ATAD5: variants seen among roughly 807,000 people sequenced by gnomAD.
ATAD5 encodes ATPase family AAA domain-containing protein 5.
Under a neutral mutation model 176.9 loss-of-function variants are expected in ATAD5, and 58 were observed. The observed-to-expected ratio is 0.33, with a 90% CI of 0.27 to 0.41. The LOEUF (loss-of-function observed/expected upper bound fraction) is 0.41. Ranked by LOEUF, ATAD5 falls within the 10% of genes least tolerant of loss-of-function variation. The pLI is 1.00. For synonymous variants in ATAD5, 640 were observed against 712.6 expected (o/e 0.90, Z 1.62); for missense variants, 1,789 against 2,094.1 (o/e 0.85, Z 2.84).
intron 18 of ATAD5, among the ~76,000 whole-genome samples, chr17:30,881,754 A>C (rs1909024924): frequency 6.6e-6 from 1 of 151,878 alleles, no homozygotes; most frequent in Admixed American, 6.6e-5. Flanking sequence ...CTCTACAAAA[A>C]ATTAAAAAAA....
rs745340855 is a variant in ATAD5, at chr17:30,834,620, A to G, written c.539A>G (p.Asn180Ser). 45 of 1,611,546 alleles carry G rather than the reference A, an allele frequency of 2.8e-5. No homozygotes were observed. The highest frequency in any genetic ancestry group is 4.0e-5 in the African/African-American group (3 of 74,780). The change falls in exon 2 of 23, where the codon AAT becomes AGT. Residue 180 changes from asparagine (N) to serine (S), a missense_variant. Asn to Ser is a conservative substitution (Grantham distance 46, BLOSUM62 1). This residue lies in a region of ATAD5 where 696 missense variants were observed against 712.5 expected (regional missense o/e 0.98). Coordinates refer to ENST00000321990, the MANE Select transcript of ATAD5 (RefSeq NM_024857.5). Reference sequence around the variant, plus strand: ...ATTCAAGATACAAAAAGTCAACCAAATACTATGACCTCCCTGCAAAATTCT... The same window carrying G: ...ATTCAAGATACAAAAAGTCAACCAAGTACTATGACCTCCCTGCAAAATTCT... Reference protein sequence around the residue: ...ENIQDTKSQPNTMTSLQNSKK... With the variant: ...ENIQDTKSQPSTMTSLQNSKK...
intron 5 of ATAD5, 140 bp from the exon 6 acceptor site, chr17:30,844,695 C>T: frequency 3.2e-6 from 2 of 626,846 alleles, no homozygotes; most frequent in South Asian, 2.0e-5. Context: ...TTGCAGTGAG[C>T]CAAGATCGTG....
chr17:30,842,695 C>CT (rs1258724569), intron 4 of ATAD5, among the ~76,000 whole-genome samples: 3 of 152,088 alleles, frequency 2.0e-5, no homozygotes, highest in Non-Finnish European at 4.4e-5. Context: ...GGAGTACAGT[C>CT]TGTTAGTTGC....
At position 30,834,843 on chromosome 17, in the gene ATAD5, A is replaced by C. The variant is rs140417753; in HGVS notation, c.762A>C (p.Glu254Asp). The change falls in exon 2 of 23, where the codon GAA (glutamate) becomes GAC (aspartate). Residue 254 changes from glutamate (E) to aspartate (D), a missense_variant. Glu to Asp is a conservative substitution (Grantham distance 45, BLOSUM62 2). Transcript: ENST00000321990. ...CAAACTCTAGAGATAACGTAACTGA[A>C]GCAGCCCAGTTAAATGATAGTATAA... ...SHANSRDNVT[E>D]AAQLNDSIIT... 2 of 1,613,566 alleles carry C rather than the reference A, an allele frequency of 1.2e-6. No homozygotes were observed. Among genetic ancestry groups the C allele is most frequent in the Non-Finnish European group, 1.7e-6 (2 of 1,179,704 alleles).
intron 3 of ATAD5, among the ~76,000 whole-genome samples, chr17:30,838,711 T>A (rs1248302780): frequency 6.6e-6 from 1 of 152,242 alleles, no homozygotes; most frequent in East Asian, 1.9e-4. Context: ...TTAATTTTTT[T>A]AGAGATAATT....
Position 30,834,458 on chromosome 17 carries a change from T to C in ATAD5, c.377T>C (p.Ile126Thr), listed in dbSNP as rs560055952. 83 of 1,589,798 alleles carry C rather than the reference T, an allele frequency of 5.2e-5. No individual in the cohort carries two copies. The South Asian group carries it at 7.3e-4, about 14-fold the overall frequency. The change falls in exon 2 of 23, where the codon ATT (isoleucine) becomes ACT (threonine). Residue 126 changes from isoleucine (I) to threonine (T), a missense_variant. By Grantham distance (89) the Ile-to-Thr change is moderately conservative (BLOSUM62 -1). Transcript: ENST00000321990. Reference sequence around the variant, plus strand: ...AATTTATCTCATCAACTAAATAATATTAAAACTGAAAATGAAGCTCCAATT... The same window carrying C: ...AATTTATCTCATCAACTAAATAATACTAAAACTGAAAATGAAGCTCCAATT... ...RVNLSHQLNN[I>T]KTENEAPIEI... is the part of the protein sequence containing the mutation.
chr17:30,855,983 T>G (rs948471260), intron 7 of ATAD5, among the ~76,000 whole-genome samples: 7 of 152,224 alleles, frequency 4.6e-5, no homozygotes, highest in African/African-American at 1.7e-4. Flanking sequence ...ATTCAGTTGA[T>G]GAAGGCTTTC....
At chr17:30,880,472 G>A (rs1406765773) in intron 18 of ATAD5, among the ~76,000 whole-genome samples, 1 of 152,058 alleles carries the variant, frequency 6.6e-6, no homozygotes, top group Non-Finnish European at 1.5e-5. Context: ...GCTGGGCGTG[G>A]TGGCGCATGC....
chr17:30,854,205 TTTATATAATTATATATAAA>T (rs1317383653), intron 6 of ATAD5, among the ~76,000 whole-genome samples: 2 of 146,950 alleles, frequency 1.4e-5, no homozygotes, highest in South Asian at 4.2e-4. Flanking sequence ...AAACAAAATT[TTTATATAATTATATATAAA>T]TTATATAATT....
At chr17:30,885,332 C>CTTGTA (rs1909252467) in intron 18 of ATAD5, among the ~76,000 whole-genome samples, 1 of 152,206 alleles carries the variant, frequency 6.6e-6, no homozygotes, top group South Asian at 2.1e-4. Context: ...AAGCATGAGC[C>CTTGTA]ACCACAACTG....
chr17:30,834,374 G>A lies in ATAD5; in HGVS notation c.293G>A (p.Cys98Tyr), dbSNP rs1905572866. Residue 98 changes from cysteine (C) to tyrosine (Y), a missense_variant, in exon 2 of 23, where the codon TGT (cysteine) becomes TAT (tyrosine). Coordinates refer to ENST00000321990, the MANE Select transcript of ATAD5 (RefSeq NM_024857.5). ...GTACCTGTTGACAGCAACAAAGACT[G>A]TACGACACCTTTGGAAATGTTCTCA... ...ESVPVDSNKD[C>Y]TTPLEMFSNV... 1 of 1,606,676 alleles carries A rather than the reference G, an allele frequency of 6.2e-7. No homozygotes were observed. Among genetic ancestry groups the A allele is most frequent in the Non-Finnish European group, 8.5e-7 (1 of 1,177,608 alleles).
At chr17:30,852,759 T>G (rs77409647) in intron 6 of ATAD5, among the ~76,000 whole-genome samples, 4,050 of 152,008 alleles carry the variant, frequency 0.027, 199 homozygotes, top group African/African-American at 0.092. Context: ...TAAACAACCA[T>G]CTCTCGGGTG....
chr17:30,856,657 G>A (rs1363028770), intron 7 of ATAD5, among the ~76,000 whole-genome samples: 1 of 152,178 alleles, frequency 6.6e-6, no homozygotes, highest in Non-Finnish European at 1.5e-5. Context: ...AATTACAGGC[G>A]TGAGCCACCA....
intron 6 of ATAD5, among the ~76,000 whole-genome samples, chr17:30,848,074 T>C (rs1906643714): frequency 6.6e-6 from 1 of 152,168 alleles, no homozygotes; most frequent in Non-Finnish European, 1.5e-5. Context: ...TCATTTTTCT[T>C]GGGTAAATAA....
intron 19 of ATAD5, among the ~76,000 whole-genome samples, chr17:30,891,388 T>G (rs542903606): frequency 2.6e-5 from 4 of 152,314 alleles, no homozygotes; most frequent in African/African-American, 9.6e-5. Flanking sequence ...TTATTATTAT[T>G]TGAGACGGAG....
At chr17:30,858,772 C>T (rs115350808) in intron 9 of ATAD5, among the ~76,000 whole-genome samples, 2,698 of 152,282 alleles carry the variant, frequency 0.018, 93 homozygotes, top group African/African-American at 0.061. Flanking sequence ...CCTTCGCCTC[C>T]CGGGCTCAAG....
chr17:30,839,157 A>G (rs1336233954), intron 3 of ATAD5, among the ~76,000 whole-genome samples: 1 of 152,170 alleles, frequency 6.6e-6, no homozygotes, highest in Non-Finnish European at 1.5e-5. Context: ...TTCTATGAGA[A>G]TAAGGAGTAA....
At chr17:30,891,773 C>G (rs1459997856) in intron 19 of ATAD5, among the ~76,000 whole-genome samples, 1 of 152,106 alleles carries the variant, frequency 6.6e-6, no homozygotes. Flanking sequence ...GCAACCTCCG[C>G]CTCCCAGGTT....
At chr17:30,875,571 C>A (rs1908606065) in intron 14 of ATAD5, among the ~76,000 whole-genome samples, 1 of 151,682 alleles carries the variant, frequency 6.6e-6, no homozygotes, top group East Asian at 1.9e-4. Context: ...CTGAGGCAGG[C>A]GGATCGCTTG....
Sources: allele counts gnomAD v4.1 joint callset (sites outside exome capture counted in the v4.1 genomes callset), GRCh38; gene constraint gnomAD v4.1.1; regional missense constraint gnomAD v4.1.1; transcripts MANE v1.5; gene names NCBI Gene and HGNC (gene_info 2026-07-23, HGNC 2026-07-21).